Variants in COX7A2 observed in about 807,000 individuals in gnomAD.
The protein encoded by COX7A2 is cytochrome c oxidase subunit 7A2.
In COX7A2, 11 loss-of-function variants were observed where a neutral mutation model predicts 11.6. The ratio of observed to expected loss-of-function variants is 0.95; its 90% confidence interval spans 0.60 to 1.57. The LOEUF is 1.57. Ranked by LOEUF, COX7A2 falls within the 40% of genes most tolerant of loss-of-function variation. The pLI is 0.00. For missense variants in COX7A2, 106 were observed against 100.9 expected, an observed-to-expected ratio of 1.05 and a Z score of -0.22; for synonymous variants, 30 against 38.2, an observed-to-expected ratio of 0.78 and a Z score of 0.79.
chr6:75,242,885 C>T (rs1472674610), intron 1 of COX7A2, among the ~76,000 whole-genome samples: 1 of 151,930 alleles, frequency 6.6e-6, no homozygotes, highest in East Asian at 1.9e-4. Flanking sequence ...AAAAAAAACC[C>T]TATTACTTGA....
chr6:75,247,190 G>A (rs186079362), upstream of COX7A2, among the ~76,000 whole-genome samples: 241 of 152,134 alleles, frequency 1.6e-3, no homozygotes, highest in Non-Finnish European at 3.0e-3. Context: ...AAAGTTACCA[G>A]AGGACAGTTA....
chr6:75,242,342 C>A (rs1174659736), intron 1 of COX7A2, among the ~76,000 whole-genome samples: 1 of 150,638 alleles, frequency 6.6e-6, no homozygotes, highest in East Asian at 2.0e-4. Context: ...CCCGTCTCTA[C>A]TAGAAACACA....
rs189480692 is a variant in COX7A2, at chr6:75,238,660, C to T, written c.194-672G>A. 7.6e-3 allele frequency among the ~76,000 whole-genome samples: 997 copies of T among 131,388 alleles called. 36 individuals carry two copies. The East Asian group carries it at 0.14, about 18-fold the overall frequency. The allele number at this position is 131,388 out of a possible 152,430, so 86.2% of individuals were successfully genotyped here. ...CAGAGGTTGCAGTAAGCCGAGATCG[C>T]GCCATTGCACTCCAGCCTGGGCAAC... On this transcript the variant is annotated intron_variant, in intron 3 of 3. Transcript: ENST00000684430.
At chr6:75,243,856 G>T (rs767160040), upstream of COX7A2, 8 of 1,603,228 alleles carry the variant, frequency 5.0e-6, no homozygotes, top group African/African-American at 1.1e-4. Flanking sequence ...TTTCCGGGCC[G>T]AAGAGAGGCT....
At chr6:75,248,693 TAG>T (rs769894077), upstream of COX7A2, among the ~76,000 whole-genome samples, 58 of 130,136 alleles carry the variant, frequency 4.5e-4, no homozygotes, top group Non-Finnish European at 7.0e-4. Context: ...AAATATTTTA[TAG>T]AGTTTGACTC....
intron 3 of COX7A2, among the ~76,000 whole-genome samples, chr6:75,239,939 T>G (rs1422234936): frequency 6.6e-6 from 1 of 152,010 alleles, no homozygotes; most frequent in African/African-American, 2.4e-5. Flanking sequence ...CCGTCTCTAC[T>G]AAAACTACAA....
Position 75,240,329 on chromosome 6 carries a change from A to G in COX7A2, c.165T>C (p.Tyr55=). 2 of 1,611,238 alleles carry G rather than the reference A, an allele frequency of 1.2e-6. No homozygotes were observed. Among genetic ancestry groups the G allele is most frequent in the South Asian group, 1.1e-5 (1 of 90,768 alleles). The change falls in exon 3 of 4, where the codon TAT becomes TAC. Residue 55 remains tyrosine (Y), a synonymous_variant. Coordinates refer to ENST00000684430, the MANE Select transcript of COX7A2 (RefSeq NM_001366293.2). The stretch of plus-strand genomic sequence containing the variant: ...CAACTGTAAGAATCATGGTGGCTCT[A>G]TACAGGAGGGCATCAGCTACCCCAC... ...LKGGVADALL[Y]RATMILTVGG...
chr6:75,243,914 G>GCC, upstream of COX7A2: 1 of 1,227,232 alleles, frequency 8.1e-7, no homozygotes, highest in East Asian at 2.5e-5. Flanking sequence ...GCGGCAGTAC[G>GCC]GCTCTATCCG....
chr6:75,243,814 G>A (rs907208896), upstream of COX7A2: 1 of 1,614,022 alleles, frequency 6.2e-7, no homozygotes, highest in Non-Finnish European at 8.5e-7. Flanking sequence ...AACTACCTCC[G>A]AGTCTTGCGT....
rs759963083 is a variant in COX7A2, at chr6:75,240,389, G to C, written c.109-4C>G. ...ACAGTGGAATTTCATCATCCTCCTA[G>C]ATTTAAAAAAAAAAAAAAAAGACAA... is the stretch of plus-strand genomic sequence containing the variant. On this transcript the variant is annotated splice_region_variant and splice_polypyrimidine_tract_variant and intron_variant, in intron 2 of 3. Coordinates refer to ENST00000684430, the MANE Select transcript of COX7A2 (RefSeq NM_001366293.2). The C allele has an allele frequency of 1.7e-6, 2 of 1,172,626 alleles. No homozygotes were observed. The highest frequency in any genetic ancestry group is 2.3e-6 in the Non-Finnish European group (2 of 877,510). The allele number at this position is 1,172,626 out of a possible 1,614,324, so 72.6% of individuals were successfully genotyped here. A position where few individuals can be genotyped will look rare whatever the true frequency, so the allele number is the denominator to read the frequency against.
At chr6:75,243,436 G>C (rs1299921883) in intron 1 of COX7A2, among the ~76,000 whole-genome samples, 2 of 152,086 alleles carry the variant, frequency 1.3e-5, no homozygotes, top group Non-Finnish European at 2.9e-5. Context: ...ATCAATGACC[G>C]ACAGGGTTAG....
chr6:75,246,128 T>A (rs1771676975), upstream of COX7A2, among the ~76,000 whole-genome samples: 1 of 152,228 alleles, frequency 6.6e-6, no homozygotes, highest in Non-Finnish European at 1.5e-5. Context: ...AGAATTGTTT[T>A]AGGAAAGAAA....
intron 1 of COX7A2, among the ~76,000 whole-genome samples, chr6:75,243,000 G>A (rs1771566505): frequency 6.6e-6 from 1 of 152,140 alleles, no homozygotes; most frequent in African/African-American, 2.4e-5. Flanking sequence ...GAAGAGACAT[G>A]CACTACATAT....
intron 3 of COX7A2, among the ~76,000 whole-genome samples, chr6:75,238,430 G>C (rs117641944): frequency 1.3e-5 from 2 of 151,924 alleles, no homozygotes; most frequent in Non-Finnish European, 2.9e-5. Context: ...TAACTGGGCC[G>C]GGCATAGTTG....
intron 2 of COX7A2, 68 bp downstream of exon 2, chr6:75,241,108 T>C: frequency 6.5e-7 from 1 of 1,543,852 alleles, no homozygotes; most frequent in Non-Finnish European, 8.9e-7. Context: ...CATACTTGTT[T>C]ATCCCAACTC....
chr6:75,249,766 G>A (rs1212523389), intron 1 of COX7A2, among the ~76,000 whole-genome samples: 1 of 152,218 alleles, frequency 6.6e-6, no homozygotes, highest in East Asian at 1.9e-4. Flanking sequence ...TAAACAACTT[G>A]AAGGGCTACT....
intron 3 of COX7A2, among the ~76,000 whole-genome samples, chr6:75,238,464 T>C (rs1389861064): frequency 1.3e-5 from 2 of 151,946 alleles, no homozygotes; most frequent in South Asian, 2.1e-4. Flanking sequence ...TCCCAGCACT[T>C]TGGGAGGCCG....
chr6:75,241,344 T>C (rs1771495802), intron 1 of COX7A2, 79 bp from the exon 2 acceptor site: 4 of 1,261,830 alleles, frequency 3.2e-6, no homozygotes, highest in Admixed American at 2.4e-5. Context: ...GTTCATATTA[T>C]AGAAAAGGTA....
intron 1 of COX7A2, among the ~76,000 whole-genome samples, chr6:75,243,032 A>G (rs1771567415): frequency 6.6e-6 from 1 of 152,200 alleles, no homozygotes; most frequent in African/African-American, 2.4e-5. Context: ...AAATAATGAA[A>G]CAAATATGCT....
Sources: gnomAD v4.1 joint callset for allele counts (sites outside exome capture counted in the v4.1 genomes callset) on GRCh38, gnomAD v4.1.1 for gene constraint, MANE v1.5 for transcripts, NCBI Gene and HGNC (gene_info 2026-07-23, HGNC 2026-07-21) for gene names.